Variants in DOP1A observed in about 807,000 individuals in gnomAD.
DOP1A encodes the protein protein DOP1A.
Under a neutral mutation model 267.6 loss-of-function variants are expected in DOP1A, and 90 were observed. That is an observed-to-expected ratio of 0.34 (90% CI 0.28 to 0.40). The LOEUF (loss-of-function observed/expected upper bound fraction) is 0.40. Ranked by LOEUF, DOP1A falls within the 10% of genes least tolerant of loss-of-function variation. The pLI, the probability that DOP1A is intolerant of heterozygous loss-of-function variation, is 1.00. For missense variants in DOP1A, 2,437 were observed against 2,900.4 expected, an observed-to-expected ratio of 0.84 and a Z score of 3.67; for synonymous variants, 932 against 999.1, an observed-to-expected ratio of 0.93 and a Z score of 1.27.
chr6:83,071,218 C>CTT (rs879658495), intron 1 of DOP1A, among the ~76,000 whole-genome samples: 3 of 146,526 alleles, frequency 2.0e-5, no homozygotes, highest in African/African-American at 7.5e-5. Context: ...AGGAAGTAAC[C>CTT]TTTTTTTTTT....
chr6:83,137,845 T>G lies in DOP1A; in HGVS notation c.3803T>G (p.Ile1268Ser), dbSNP rs997592844. The G allele has an allele frequency of 5.0e-6, 8 of 1,613,524 alleles. No homozygotes were observed. The Admixed American group carries it at 5.0e-5, about 10-fold the overall frequency. ...TCTAGACAAAGGAGTCACAGTAGTATTCAATTCAGCTTCAAAGAAAAATTA... is the reference window on the plus strand; with the variant it reads ...TCTAGACAAAGGAGTCACAGTAGTAGTCAATTCAGCTTCAAAGAAAAATTA... ...TKSRQRSHSS[I>S]QFSFKEKLSE... Residue 1268 changes from isoleucine (I) to serine (S), a missense_variant, in exon 21 of 39, where the codon ATT (isoleucine) becomes AGT (serine). Ile to Ser is a moderately radical substitution (Grantham distance 142). Coordinates refer to ENST00000349129, the MANE Select transcript of DOP1A (RefSeq NM_015018.4).
chr6:83,108,149 G>GA (rs1773955980), intron 4 of DOP1A, among the ~76,000 whole-genome samples: 2 of 152,178 alleles, frequency 1.3e-5, no homozygotes, highest in Non-Finnish European at 2.9e-5. Context: ...AGAACTTGAT[G>GA]ACCTTGATAA....
In DOP1A at chr6:83,138,042, T is replaced by A. The variant is rs1471097217; in HGVS notation, c.4000T>A (p.Trp1334Arg). The part of the protein sequence containing the change: ...FFSDGLDLEN[W>R]YSCGEGDISE... The stretch of plus-strand genomic sequence containing the variant: ...CAGTGATGGTCTGGATTTAGAGAAC[T>A]GGTATAGCTGTGGAGAGGGAGACAT... Residue 1334 changes from tryptophan to arginine, a missense_variant, in exon 21 of 39, where the codon TGG (tryptophan) becomes AGG (arginine). This residue lies in a region of DOP1A where 878 missense variants were observed against 992.9 expected (regional missense o/e 0.88). Coordinates refer to ENST00000349129, the MANE Select transcript of DOP1A (RefSeq NM_015018.4). 6.2e-7 allele frequency: 1 copy of A among 1,610,956 alleles called. No individual in the cohort carries two copies. The highest frequency in any genetic ancestry group is 8.5e-7 in the Non-Finnish European group (1 of 1,178,770).
intron 4 of DOP1A, among the ~76,000 whole-genome samples, chr6:83,106,014 T>C (rs1390049026): frequency 1.3e-5 from 2 of 152,220 alleles, no homozygotes; most frequent in Admixed American, 6.5e-5. Flanking sequence ...ATGATACCAT[T>C]GTTCTATACT....
At position 83,137,890 on chromosome 6, in the gene DOP1A, A is replaced by C. The variant is rs1242041676; in HGVS notation, c.3848A>C (p.Lys1283Thr). The C allele has an allele frequency of 6.2e-7, 1 of 1,613,130 alleles. No homozygotes were observed. The highest frequency in any genetic ancestry group is 8.5e-7 in the Non-Finnish European group (1 of 1,179,804). Residue 1283 changes from lysine (K) to threonine (T), a missense_variant, in exon 21 of 39, where the codon AAG (lysine) becomes ACG (threonine). Physicochemically the swap from Lys to Thr is moderately conservative, Grantham distance 78. Coordinates refer to ENST00000349129, the MANE Select transcript of DOP1A (RefSeq NM_015018.4). ...AAATTATCAGAAAAAGTTTCGGAGAAGGAAACAATAGTTAAGGAGTCAGGT... is the reference window on the plus strand; with the variant it reads ...AAATTATCAGAAAAAGTTTCGGAGACGGAAACAATAGTTAAGGAGTCAGGT... ...KEKLSEKVSEKETIVKESGKQ... is the reference protein window; with the variant it reads ...KEKLSEKVSETETIVKESGKQ...
At chr6:83,091,989 G>T (rs1189785299) in intron 1 of DOP1A, among the ~76,000 whole-genome samples, 1 of 152,152 alleles carries the variant, frequency 6.6e-6, no homozygotes, top group Non-Finnish European at 1.5e-5. Context: ...CTGAGAAACA[G>T]AACTAGAAAT....
intron 15 of DOP1A, among the ~76,000 whole-genome samples, chr6:83,127,555 T>G (rs1257892420): frequency 6.6e-6 from 1 of 152,170 alleles, no homozygotes; most frequent in Non-Finnish European, 1.5e-5. Context: ...AAAAGGCAAA[T>G]GGCATAATTA....
intron 7 of DOP1A, among the ~76,000 whole-genome samples, chr6:83,113,725 C>T (rs1289687826): frequency 6.6e-6 from 1 of 152,024 alleles, no homozygotes; most frequent in Non-Finnish European, 1.5e-5. Context: ...AGACTGAGAC[C>T]CAGCCATCAT....
intron 27 of DOP1A, among the ~76,000 whole-genome samples, chr6:83,150,839 TACAC>T (rs1294321402): frequency 1.6e-4 from 25 of 152,256 alleles, no homozygotes; most frequent in Middle Eastern, 3.4e-3. Flanking sequence ...CATAGAAAAA[TACAC>T]AAATAATTAG....
At chr6:83,145,365 T>C (rs1044221740) in intron 24 of DOP1A, among the ~76,000 whole-genome samples, 159 bp from the exon 25 acceptor site, 1 of 139,924 alleles carries the variant, frequency 7.1e-6, no homozygotes, top group African/African-American at 2.7e-5. Context: ...GAGGATCATT[T>C]TGAGCACAGG....
intron 1 of DOP1A, among the ~76,000 whole-genome samples, chr6:83,068,866 C>A: frequency 6.6e-6 from 1 of 152,302 alleles, no homozygotes; most frequent in Middle Eastern, 3.4e-3. Flanking sequence ...TTACTTTCGG[C>A]CACAACTGAT....
chr6:83,153,487 TC>T, intron 30 of DOP1A, 23 bp from the exon 31 acceptor site: 1 of 1,505,568 alleles, frequency 6.6e-7, no homozygotes, highest in South Asian at 1.2e-5. Flanking sequence ...CATATGTTAC[TC>T]TTCATTTTTT....
chr6:83,119,879 C>A (rs117172298), intron 9 of DOP1A, 22 bp downstream of exon 9: 32 of 1,575,856 alleles, frequency 2.0e-5, no homozygotes, highest in Non-Finnish European at 2.8e-5. Flanking sequence ...TTTTATTATT[C>A]TTTGGTTACT....
intron 1 of DOP1A, among the ~76,000 whole-genome samples, chr6:83,082,825 T>C (rs1768366742): frequency 6.6e-6 from 1 of 151,894 alleles, no homozygotes; most frequent in South Asian, 2.1e-4. Context: ...TTTTTTTTTT[T>C]GAGACCGAGT....
intron 3 of DOP1A, among the ~76,000 whole-genome samples, chr6:83,098,943 C>G (rs1470442182): frequency 6.6e-6 from 1 of 152,104 alleles, no homozygotes; most frequent in East Asian, 1.9e-4. Context: ...GGGCAGGACC[C>G]CTTCTGAAAT....
intron 3 of DOP1A, among the ~76,000 whole-genome samples, chr6:83,099,319 T>G (rs1221959274): frequency 1.3e-5 from 2 of 152,224 alleles, no homozygotes; most frequent in African/African-American, 4.8e-5. Flanking sequence ...ATTCAGAAGC[T>G]TCTCTTTGAT....
At chr6:83,164,478 C>G (rs1392140462) in intron 38 of DOP1A, among the ~76,000 whole-genome samples, 1 of 151,852 alleles carries the variant, frequency 6.6e-6, no homozygotes, top group Non-Finnish European at 1.5e-5. Context: ...TTTATAAGAC[C>G]CCCCTCCTTT....
chr6:83,166,045 T>C (rs1785438712), intron 38 of DOP1A: 2 of 282,130 alleles, frequency 7.1e-6, no homozygotes, highest in South Asian at 1.2e-4. Flanking sequence ...TCGCCAGTTG[T>C]CGTATAAAAT....
At chr6:83,084,541 C>T (rs1344773988) in intron 1 of DOP1A, among the ~76,000 whole-genome samples, 5 of 151,998 alleles carry the variant, frequency 3.3e-5, no homozygotes, top group East Asian at 1.9e-4. Flanking sequence ...GATTTGACTT[C>T]GACGTCTGGG....
Sources: gnomAD v4.1 joint callset for allele counts (sites outside exome capture counted in the v4.1 genomes callset) on GRCh38, gnomAD v4.1.1 for gene constraint, gnomAD v4.1.1 regional missense constraint, MANE v1.5 for transcripts, NCBI Gene and HGNC (gene_info 2026-07-23, HGNC 2026-07-21) for gene names.